The following PYGB variants were observed in gnomAD, a reference collection of about 807,000 sequenced individuals.
PYGB encodes glycogen phosphorylase B.
PYGB carries 82 observed loss-of-function variants against 94.3 expected under a neutral mutation model. The ratio of observed to expected loss-of-function variants is 0.87; its 90% CI spans 0.73 to 1.04. The LOEUF (loss-of-function observed/expected upper bound fraction) is 1.04. Among genes scored for constraint, PYGB ranks in the 50% least tolerant of loss-of-function variants. The pLI is 0.00. For synonymous variants in PYGB, 488 were observed against 479.1 expected (o/e 1.02, Z -0.24); for missense variants, 1,132 against 1,158.2 (o/e 0.98, Z 0.33).
rs200220722 is a variant in PYGB, at chr20:25,282,019, C to T, written c.1404-14C>T. On this transcript the variant is annotated splice_polypyrimidine_tract_variant and intron_variant, in intron 11 of 19. Coordinates refer to ENST00000216962, the MANE Select transcript of PYGB (RefSeq NM_002862.4). Reference sequence around the variant, plus strand: ...ACAGCATTTGTGACAGTTCCCTGTTCTCTGTGTTTGCAGCTTTAAGGATTT... The same window carrying T: ...ACAGCATTTGTGACAGTTCCCTGTTTTCTGTGTTTGCAGCTTTAAGGATTT... The T allele has an allele frequency of 6.3e-7, 1 of 1,589,410 alleles. No individual in the cohort carries two copies. The highest frequency in any genetic ancestry group is 1.1e-5 in the South Asian group (1 of 90,556).
rs765763413 is a variant in PYGB at position 25,292,452 on chromosome 20, CGAGGCCTCAG to C, written c.2018_2027del (p.Glu673AlafsTer5). On this transcript the variant is annotated frameshift_variant, in exon 17 of 20. Transcript: ENST00000216962. LOFTEE classifies it high-confidence loss of function. ...CGCAGCAGATCTCCACTGCAGGCACCGAGGCCTCAGGCACAGGCAACATGAAGTTCATGCT... is the reference window on the plus strand; with the variant it reads ...CGCAGCAGATCTCCACTGCAGGCACCGCACAGGCAACATGAAGTTCATGCT... 1.2e-6 allele frequency: 2 copies of C among 1,613,482 alleles called. No individual in the cohort carries two copies. The highest frequency in any genetic ancestry group is 1.7e-6 in the Non-Finnish European group (2 of 1,180,014).
intron 4 of PYGB, among the ~76,000 whole-genome samples, chr20:25,274,074 G>A (rs1282415488): frequency 3.1e-4 from 47 of 152,202 alleles, no homozygotes; most frequent in Non-Finnish European, 7.3e-5. Context: ...TTGAAATAGA[G>A]AGTCGATTTC....
At chr20:25,283,097 T>C in intron 12 of PYGB, 79 bp from the exon 13 acceptor site, 1 of 1,207,924 alleles carries the variant, frequency 8.3e-7, no homozygotes, top group South Asian at 1.3e-5. Context: ...TGGGCAACAA[T>C]GGGAGGAGGG....
At chr20:25,293,701 T>C (rs1225923659) in intron 17 of PYGB, among the ~76,000 whole-genome samples, 2 of 152,182 alleles carry the variant, frequency 1.3e-5, no homozygotes, top group Non-Finnish European at 2.9e-5. Flanking sequence ...CCCACTTAGC[T>C]CTGCCTTGTC....
intron 17 of PYGB, chr20:25,293,887 C>T: frequency 2.0e-6 from 1 of 496,440 alleles, no homozygotes; most frequent in Non-Finnish European, 3.7e-6. Flanking sequence ...GCCACTATGT[C>T]CTAGCAGATC....
intron 17 of PYGB, among the ~76,000 whole-genome samples, chr20:25,292,847 G>T (rs1265342672): frequency 2.0e-5 from 3 of 152,070 alleles, no homozygotes; most frequent in Admixed American, 1.3e-4. Context: ...CTCCTGTCTC[G>T]GCTCTGAGGC....
intron 2 of PYGB, among the ~76,000 whole-genome samples, chr20:25,266,942 G>C (rs965093571): frequency 6.6e-6 from 1 of 152,210 alleles, no homozygotes; most frequent in African/African-American, 2.4e-5. Flanking sequence ...TACTAAAAAA[G>C]TTAAGCATAG....
intron 2 of PYGB, among the ~76,000 whole-genome samples, chr20:25,262,332 TAAAGA>T (rs1469987538): frequency 6.6e-6 from 1 of 152,190 alleles, no homozygotes; most frequent in Non-Finnish European, 1.5e-5. Flanking sequence ...TCAGCATTCT[TAAAGA>T]AAAGAATTTT....
At chr20:25,282,618 C>G (rs919441291) in intron 12 of PYGB, among the ~76,000 whole-genome samples, 1 of 152,234 alleles carries the variant, frequency 6.6e-6, no homozygotes, top group African/African-American at 2.4e-5. Context: ...AAGCTGAGGT[C>G]TGAAGAGGGA....
At chr20:25,280,534 A>G in intron 10 of PYGB, 122 bp downstream of exon 10, 1 of 1,339,792 alleles carries the variant, frequency 7.5e-7, no homozygotes, top group South Asian at 1.4e-5. Context: ...TCAGCAGAGG[A>G]TGCTTGGGGC....
chr20:25,277,184 C>T (rs2088320513), intron 6 of PYGB, 60 bp from the exon 7 acceptor site: 12 of 1,349,410 alleles, frequency 8.9e-6, no homozygotes, highest in East Asian at 4.6e-5. Flanking sequence ...GGCCCCTGAG[C>T]GGTTGCAGTG....
rs539209387 is a variant in PYGB at position 25,293,984 on chromosome 20, T to TG, written c.2178-173dup. 887 of 757,626 alleles carry TG rather than the reference T, an allele frequency of 1.2e-3. 1 individual carries two copies. Among genetic ancestry groups the TG allele is most frequent in the Non-Finnish European group, 1.7e-3 (828 of 474,088 alleles). The allele number at this position is 757,626 out of a possible 1,614,324, so 46.9% of individuals were successfully genotyped here. On this transcript the variant is annotated intron_variant, in intron 17 of 19. Transcript: ENST00000216962. Reference sequence around the variant, plus strand: ...TCACATCTCTGCTCGAGCAGGTCCCTGCTCAAGGGCCTCGTAACCACCCAT... The same window carrying TG: ...TCACATCTCTGCTCGAGCAGGTCCCTGGCTCAAGGGCCTCGTAACCACCCAT...
chr20:25,255,593 G>T (rs1485922471), intron 1 of PYGB, among the ~76,000 whole-genome samples: 1 of 152,240 alleles, frequency 6.6e-6, no homozygotes, highest in Non-Finnish European at 1.5e-5. Flanking sequence ...AGGGCGGCTG[G>T]TCTGAGGCAT....
rs2092876663 is a variant in PYGB, at chr20:25,248,321, CGCCCCGCGA to C, written c.144_152del (p.Pro49_Asp51del). On this transcript the variant is annotated inframe_deletion, in exon 1 of 20. Transcript: ENST00000216962. Reference sequence around the variant, plus strand: ...CTGGTCAAGGACCGCAATGTGGCCACGCCCCGCGACTACTTCTTCGCGCTGGCGCACACG... The same window carrying C: ...CTGGTCAAGGACCGCAATGTGGCCACCTACTTCTTCGCGCTGGCGCACACG... 1.9e-6 allele frequency: 3 copies of C among 1,603,942 alleles called. No homozygotes were observed. The highest frequency in any genetic ancestry group is 2.7e-5 in the African/African-American group (2 of 73,998).
chr20:25,293,642 C>T (rs773907260), intron 17 of PYGB, among the ~76,000 whole-genome samples: 4 of 152,234 alleles, frequency 2.6e-5, no homozygotes, highest in Non-Finnish European at 5.9e-5. Context: ...ACAGCTTCTT[C>T]TGCCCGGGCC....
intron 1 of PYGB, among the ~76,000 whole-genome samples, chr20:25,258,973 A>G (rs1191460949): frequency 6.6e-6 from 1 of 152,206 alleles, no homozygotes; most frequent in African/African-American, 2.4e-5. Context: ...CTCCCCACAC[A>G]TCATGGAAAG....
At chr20:25,266,130 C>T (rs73101777) in intron 2 of PYGB, among the ~76,000 whole-genome samples, 9,213 of 152,246 alleles carry the variant, frequency 0.061, 351 homozygotes, top group Non-Finnish European at 0.081. Flanking sequence ...GGATTTCAGG[C>T]GTGTGCCACT....
At chr20:25,273,401 C>T (rs772744500) in intron 4 of PYGB, among the ~76,000 whole-genome samples, 2 of 152,192 alleles carry the variant, frequency 1.3e-5, no homozygotes, top group African/African-American at 2.4e-5. Flanking sequence ...AAGAGCACAG[C>T]CCAGACAGTC....
In PYGB at chr20:25,256,507, A is replaced by C. The variant is rs866720859; in HGVS notation, c.244-2730A>C. ...CGAAACTCTGTCTCAAAAAAAAAAA[A>C]ACAAAAACAAAAACAAAAAACAGGC... On this transcript the variant is annotated intron_variant, in intron 1 of 19. Coordinates refer to ENST00000216962, the MANE Select transcript of PYGB (RefSeq NM_002862.4). 4.3e-3 allele frequency among the ~76,000 whole-genome samples: 629 copies of C among 144,878 alleles called. 2 individuals are homozygous for C. The highest frequency in any genetic ancestry group is 8.2e-3 in the Admixed American group (122 of 14,882).
Sources: gnomAD v4.1 joint callset for allele counts (sites outside exome capture counted in the v4.1 genomes callset) on GRCh38, gnomAD v4.1.1 for gene constraint, MANE v1.5 for transcripts, NCBI Gene and HGNC (gene_info 2026-07-23, HGNC 2026-07-21) for gene names.